Variants in KLRG1 observed in about 807,000 individuals in gnomAD.
The protein encoded by KLRG1 is killer cell lectin like receptor G1.
In KLRG1, 16 loss-of-function variants were observed where a neutral mutation model predicts 21.8. The observed-to-expected ratio is 0.73, with a 90% CI of 0.50 to 1.11. The LOEUF is 1.11. Ranked by LOEUF, KLRG1 falls within the 50% of genes most tolerant of loss-of-function variation. The pLI is 0.00. For synonymous variants in KLRG1, 69 were observed against 75.9 expected, an observed-to-expected ratio of 0.91 and a Z score of 0.47; for missense variants, 173 against 218.3, an observed-to-expected ratio of 0.79 and a Z score of 1.31.
the KLRG1 span, among the ~76,000 whole-genome samples, chr12:9,043,234 G>A: frequency 2.6e-4 from 40 of 151,854 alleles, no homozygotes; most frequent in Admixed American, 5.9e-4. Flanking sequence ...CCACCACCAC[G>A]CCGGTTAATT....
the KLRG1 span, chr12:9,093,624 A>G: frequency 8.7e-7 from 1 of 1,145,704 alleles, no homozygotes. Flanking sequence ...CATACAGATA[A>G]AGCTTATGAG....
the KLRG1 span, among the ~76,000 whole-genome samples, chr12:9,022,927 C>T: frequency 1.9e-4 from 29 of 152,292 alleles, no homozygotes; most frequent in African/African-American, 7.0e-4. Flanking sequence ...CTGTGTGGGG[C>T]CTGGAAAATC....
chr12:9,093,891 TCAAACAAACAAA>T, the KLRG1 span, among the ~76,000 whole-genome samples: 151 of 151,020 alleles, frequency 1.0e-3, 1 homozygote, highest in African/African-American at 2.9e-3. Flanking sequence ...AGACTTCGTC[TCAAACAAACAAA>T]CAAACAAACA....
the KLRG1 span, chr12:9,127,857 C>A: frequency 4.0e-6 from 1 of 249,824 alleles, no homozygotes; most frequent in South Asian, 4.4e-5. Context: ...TGCGACTGGG[C>A]CCCGGGGCCC....
At chr12:9,180,275 T>C in the KLRG1 span, among the ~76,000 whole-genome samples, 1 of 152,148 alleles carries the variant, frequency 6.6e-6, no homozygotes, top group Non-Finnish European at 1.5e-5. Flanking sequence ...CCAATGACTT[T>C]CTTCACAGAA....
chr12:8,966,133 A>G (rs1306797673), intron 1 of KLRG1, among the ~76,000 whole-genome samples: 9 of 152,328 alleles, frequency 5.9e-5, no homozygotes, highest in African/African-American at 2.2e-4. Context: ...CTGGCTAGCC[A>G]TACATAGAAA....
the KLRG1 span, chr12:9,128,700 T>A: frequency 6.6e-6 from 1 of 152,056 alleles, no homozygotes; most frequent in African/African-American, 2.4e-5. Context: ...GGGTAGGGGA[T>A]GGGAAGGGAG....
At chr12:9,149,664 A>ATCCTG in the KLRG1 span, 1 of 1,541,626 alleles carries the variant, frequency 6.5e-7, no homozygotes, top group Non-Finnish European at 8.9e-7. Flanking sequence ...ACCATGCTAA[A>ATCCTG]TCTGTCTAGT....
At chr12:9,036,696 A>G in the KLRG1 span, 7 of 262,736 alleles carry the variant, frequency 2.7e-5, no homozygotes, top group South Asian at 3.4e-4. Flanking sequence ...CTTAGCAATC[A>G]CAGGAAACAA....
At chr12:9,102,997 A>G in the KLRG1 span, among the ~76,000 whole-genome samples, 94 of 152,322 alleles carry the variant, frequency 6.2e-4, no homozygotes, top group African/African-American at 2.2e-3. Flanking sequence ...ATATCCATGT[A>G]TCTATAGACA....
chr12:9,020,995 C>T, the KLRG1 span, among the ~76,000 whole-genome samples: 1 of 152,164 alleles, frequency 6.6e-6, no homozygotes, highest in African/African-American at 2.4e-5. Context: ...CAGCAAGTTA[C>T]TGTACTAAAT....
At chr12:9,017,632 T>C in the KLRG1 span, among the ~76,000 whole-genome samples, 1 of 152,322 alleles carries the variant, frequency 6.6e-6, no homozygotes, top group East Asian at 1.9e-4. Flanking sequence ...AAAAGCCGTA[T>C]ATGAGACAGA....
At chr12:9,040,601 T>C in the KLRG1 span, among the ~76,000 whole-genome samples, 1 of 152,264 alleles carries the variant, frequency 6.6e-6, no homozygotes, top group South Asian at 2.1e-4. Context: ...TTATTTAGAA[T>C]GTAATTCTTC....
the KLRG1 span, among the ~76,000 whole-genome samples, chr12:9,018,109 G>A: frequency 0.016 from 2,380 of 152,140 alleles, 35 homozygotes; most frequent in South Asian, 0.045. Flanking sequence ...AAATTGAAGC[G>A]AACACAAAAA....
At chr12:9,117,914 A>C in the KLRG1 span, among the ~76,000 whole-genome samples, 1 of 152,118 alleles carries the variant, frequency 6.6e-6, no homozygotes, top group African/African-American at 2.4e-5. Flanking sequence ...TTGTTTTCAC[A>C]AGCTGGTGTG....
At chr12:9,194,217 CT>C in the KLRG1 span, 1 of 1,613,608 alleles carries the variant, frequency 6.2e-7, no homozygotes, top group Non-Finnish European at 8.5e-7. Context: ...ATGGGCACAC[CT>C]TTTCCATCCA....
the KLRG1 span, chr12:9,090,341 C>T: frequency 6.2e-7 from 1 of 1,613,920 alleles, no homozygotes; most frequent in Non-Finnish European, 8.5e-7. Flanking sequence ...TTATCTCTAG[C>T]AGTTTTTTGC....
At chr12:9,110,039 T>C in the KLRG1 span, 1 of 1,600,906 alleles carries the variant, frequency 6.2e-7, no homozygotes, top group African/African-American at 1.3e-5. Context: ...TGGGATCCTA[T>C]ATGAGTAAAT....
At position 9,010,135 on chromosome 12, in the gene KLRG1, A is replaced by C; in HGVS notation, c.*598A>C. 1.3e-6 allele frequency: 1 copy of C among 777,770 alleles called. No individual in the cohort carries two copies. Among genetic ancestry groups the C allele is most frequent in the Non-Finnish European group, 2.1e-6 (1 of 474,272 alleles). 48.2% of individuals were successfully genotyped at this position (777,770 alleles called of 1,614,324 possible). On this transcript the variant is annotated 3_prime_UTR_variant, in exon 5 of 5. Coordinates refer to ENST00000356986, the MANE Select transcript of KLRG1 (RefSeq NM_005810.4). Reference sequence around the variant, plus strand: ...CAGGAGTTTGAGGCTGCAGTGAGCTATGATTGTGCCACTGTACTCCAGCCT... The same window carrying C: ...CAGGAGTTTGAGGCTGCAGTGAGCTCTGATTGTGCCACTGTACTCCAGCCT...
Sources: allele counts gnomAD v4.1 joint callset (sites outside exome capture counted in the v4.1 genomes callset), GRCh38; gene constraint gnomAD v4.1.1; transcripts MANE v1.5; gene names NCBI Gene and HGNC (gene_info 2026-07-23, HGNC 2026-07-21).